NRG3: variants seen among roughly 807,000 people sequenced by gnomAD.
NRG3 encodes the protein neuregulin 3, also known as pro-neuregulin-3, membrane-bound isoform.
NRG3 carries 31 observed loss-of-function variants against 66.9 expected under a neutral mutation model. The ratio of observed to expected loss-of-function variants is 0.46; its 90% CI spans 0.35 to 0.63. The LOEUF is 0.63. NRG3 is among the 20% of genes least tolerant of loss of function. The probability of loss-of-function intolerance (pLI) is 0.00; values close to 1 mark genes in which losing one functional copy is unlikely to be tolerated. For synonymous variants in NRG3, 393 were observed against 359.4 expected (o/e 1.09, Z -1.06); for missense variants, 910 against 878.9 (o/e 1.04, Z -0.45).
At chr10:82,149,715 T>A (rs2132755314) in intron 1 of NRG3, among the ~76,000 whole-genome samples, 1 of 152,204 alleles carries the variant, frequency 6.6e-6, no homozygotes, top group Admixed American at 6.5e-5. Context: ...CTGTTTTTTT[T>A]TTTTTTCTAA....
intron 2 of NRG3, among the ~76,000 whole-genome samples, chr10:82,428,459 A>G (rs1203952657): frequency 4.6e-5 from 7 of 151,692 alleles, no homozygotes; most frequent in African/African-American, 1.7e-4. Context: ...TTGTTATTTA[A>G]CAGTGTGGGT....
chr10:82,666,930 T>G (rs1041777187), intron 2 of NRG3, among the ~76,000 whole-genome samples: 3 of 152,220 alleles, frequency 2.0e-5, no homozygotes, highest in South Asian at 4.1e-4. Flanking sequence ...CAGAGTGTAG[T>G]AGGGTACTTG....
intron 1 of NRG3, among the ~76,000 whole-genome samples, chr10:82,182,206 A>G (rs75449617): frequency 0.018 from 2,717 of 150,924 alleles, 95 homozygotes; most frequent in East Asian, 0.13. Flanking sequence ...CTGCCACTCT[A>G]TGTCTTCTGA....
Position 82,707,018 on chromosome 10 carries a change from A to AATAAATAT in NRG3, c.954-31556_954-31555insAATATATA, listed in dbSNP as rs1184688350. Among the ~76,000 whole-genome samples, 456 of 141,306 alleles carry AATAAATAT rather than the reference A, an allele frequency of 3.2e-3. 4 individuals carry two copies. The highest frequency in any genetic ancestry group is 0.012 in the African/African-American group (439 of 37,734). 92.7% of individuals were successfully genotyped at this position (141,306 alleles called of 152,430 possible). ...CAAAAAAAAAAAATAAAATAAAATA[A>AATAAATAT]ATATATATATATATATATATGTATA... On this transcript the variant is annotated intron_variant, in intron 2 of 8. Transcript: ENST00000372141.
chr10:82,491,866 GC>G, intron 2 of NRG3, among the ~76,000 whole-genome samples: 1 of 152,270 alleles, frequency 6.6e-6, no homozygotes, highest in Non-Finnish European at 1.5e-5. Flanking sequence ...GTTGTCATAT[GC>G]CTATCTGTGC....
At chr10:82,642,586 A>G (rs535122417) in intron 2 of NRG3, among the ~76,000 whole-genome samples, 1 of 151,948 alleles carries the variant, frequency 6.6e-6, no homozygotes, top group Non-Finnish European at 1.5e-5. Context: ...TAGCAAAAAT[A>G]AGATTGTAGG....
intron 1 of NRG3, among the ~76,000 whole-genome samples, chr10:81,946,451 G>A (rs893309088): frequency 1.3e-5 from 2 of 152,120 alleles, no homozygotes; most frequent in African/African-American, 4.8e-5. Flanking sequence ...AAAAATAAAG[G>A]CACTCTTATA....
At chr10:82,523,199 T>C (rs529392001) in intron 2 of NRG3, among the ~76,000 whole-genome samples, 1 of 152,332 alleles carries the variant, frequency 6.6e-6, no homozygotes, top group African/African-American at 2.4e-5. Flanking sequence ...TTGGCTATTA[T>C]GAATAATGCT....
chr10:82,132,468 G>GATATATATATCATATATATATATCAT (rs1214093251), intron 1 of NRG3, among the ~76,000 whole-genome samples: 2 of 119,920 alleles, frequency 1.7e-5, no homozygotes, highest in African/African-American at 7.2e-5. Context: ...TGATATATAT[G>GATATATATATCATATATATATATCAT]ATATATATAT....
intron 1 of NRG3, among the ~76,000 whole-genome samples, chr10:81,999,081 G>A (rs578248111): frequency 1.1e-4 from 17 of 152,320 alleles, no homozygotes; most frequent in African/African-American, 4.1e-4. Flanking sequence ...GGGTTTATAG[G>A]CGTGAGCCAC....
intron 1 of NRG3, among the ~76,000 whole-genome samples, chr10:82,345,672 G>T (rs969291928): frequency 3.3e-5 from 5 of 151,458 alleles, no homozygotes; most frequent in Non-Finnish European, 7.4e-5. Flanking sequence ...CCATTTTCAC[G>T]ATATTGATTC....
chr10:82,096,515 A>C (rs2066358213), intron 1 of NRG3, among the ~76,000 whole-genome samples: 2 of 152,040 alleles, frequency 1.3e-5, no homozygotes, highest in South Asian at 4.1e-4. Flanking sequence ...CCACAAAAAA[A>C]ACATGAACAT....
chr10:82,231,826 G>C (rs1476799417), intron 1 of NRG3, among the ~76,000 whole-genome samples: 1 of 152,120 alleles, frequency 6.6e-6, no homozygotes, highest in African/African-American at 2.4e-5. Flanking sequence ...CTCCATTAAA[G>C]ATATGTCTTC....
intron 3 of NRG3, among the ~76,000 whole-genome samples, chr10:82,761,924 C>CTT (rs1236496180): frequency 2.9e-5 from 2 of 68,222 alleles, no homozygotes; most frequent in Non-Finnish European, 6.3e-5. Flanking sequence ...CTTTCTTTCT[C>CTT]TTTCTTTCTT....
intron 4 of NRG3, among the ~76,000 whole-genome samples, chr10:82,900,093 G>T (rs1190463032): frequency 6.6e-6 from 1 of 152,054 alleles, no homozygotes; most frequent in Non-Finnish European, 1.5e-5. Flanking sequence ...TCATATGATG[G>T]GAGCAGGAGC....
chr10:82,198,222 T>C (rs2133434807), intron 1 of NRG3, among the ~76,000 whole-genome samples: 1 of 152,312 alleles, frequency 6.6e-6, no homozygotes, highest in Non-Finnish European at 1.5e-5. Flanking sequence ...TTTATGGTTT[T>C]TCAGATTCCA....
intron 2 of NRG3, among the ~76,000 whole-genome samples, chr10:82,496,668 C>T (rs897780212): frequency 6.6e-6 from 1 of 152,050 alleles, no homozygotes; most frequent in African/African-American, 2.4e-5. Flanking sequence ...CAGATGTTTA[C>T]CTTAAATATC....
chr10:82,614,791 T>C (rs1349219318), intron 2 of NRG3, among the ~76,000 whole-genome samples: 1 of 152,140 alleles, frequency 6.6e-6, no homozygotes, highest in Non-Finnish European at 1.5e-5. Flanking sequence ...ATTTCAATCT[T>C]CATCCAAAAC....
intron 2 of NRG3, among the ~76,000 whole-genome samples, chr10:82,565,455 G>T (rs148711882): frequency 1.3e-5 from 2 of 152,188 alleles, no homozygotes; most frequent in East Asian, 3.9e-4. Context: ...CCAGGTTGTA[G>T]CTCCTGTTTT....
Sources: gnomAD v4.1 joint callset for allele counts (sites outside exome capture counted in the v4.1 genomes callset) on GRCh38, gnomAD v4.1.1 for gene constraint, MANE v1.5 for transcripts, NCBI Gene and HGNC (gene_info 2026-07-23, HGNC 2026-07-21) for gene names.